Variants in NRG3 observed in about 807,000 individuals in gnomAD.
The protein encoded by NRG3 is neuregulin 3.
In NRG3, 31 loss-of-function variants were observed where a neutral mutation model predicts 66.9. That is an observed-to-expected ratio of 0.46 (90% CI 0.35 to 0.63). The LOEUF (loss-of-function observed/expected upper bound fraction) is 0.63, where lower values mean the gene tolerates loss of function less well. Ranked by LOEUF, NRG3 falls within the 20% of genes least tolerant of loss-of-function variation. NRG3 has a pLI of 0.00. For missense variants in NRG3, 910 were observed against 878.9 expected (o/e 1.04, Z -0.45); for synonymous variants, 393 against 359.4 (o/e 1.09, Z -1.06).
At chr10:82,816,084 G>T (rs763674368) in intron 3 of NRG3, among the ~76,000 whole-genome samples, 1 of 152,222 alleles carries the variant, frequency 6.6e-6, no homozygotes, top group Non-Finnish European at 1.5e-5. Context: ...CCCCAAAAAG[G>T]GTGTCACAGC....
intron 1 of NRG3, among the ~76,000 whole-genome samples, chr10:82,053,118 G>A (rs2133153678): frequency 6.7e-6 from 1 of 149,378 alleles, no homozygotes; most frequent in South Asian, 2.1e-4. Flanking sequence ...ATGTATTCAT[G>A]TATTTCATTT....
intron 1 of NRG3, among the ~76,000 whole-genome samples, chr10:81,929,576 A>G (rs1377683413): frequency 1.3e-5 from 2 of 152,120 alleles, no homozygotes; most frequent in African/African-American, 4.8e-5. Context: ...CTCCTTCATC[A>G]GGCTTCTCTT....
intron 1 of NRG3, among the ~76,000 whole-genome samples, chr10:82,049,165 A>G (rs184095845): frequency 6.6e-6 from 1 of 152,208 alleles, no homozygotes; most frequent in East Asian, 1.9e-4. Flanking sequence ...TATGCTTTTT[A>G]TGATATACTT....
intron 3 of NRG3, 132 bp from the exon 4 acceptor site, chr10:82,865,279 T>C (rs1317062969): frequency 2.2e-5 from 17 of 762,150 alleles, no homozygotes; most frequent in Non-Finnish European, 3.3e-5. Context: ...TAAGCAAACA[T>C]AGGGGTTAAA....
intron 2 of NRG3, among the ~76,000 whole-genome samples, chr10:82,472,428 G>T (rs1475610792): frequency 6.6e-6 from 1 of 152,226 alleles, no homozygotes. Context: ...TGAAAAGAGA[G>T]ATTGAGATTA....
chr10:82,244,914 T>G (rs2134030965), intron 1 of NRG3, among the ~76,000 whole-genome samples: 1 of 152,082 alleles, frequency 6.6e-6, no homozygotes, highest in South Asian at 2.1e-4. Flanking sequence ...TTTGTATTTT[T>G]GTAGAGACGG....
intron 2 of NRG3, among the ~76,000 whole-genome samples, chr10:82,568,586 A>C (rs1170371064): frequency 1.3e-5 from 2 of 151,774 alleles, no homozygotes; most frequent in Non-Finnish European, 2.9e-5. Flanking sequence ...CCATCATTAA[A>C]AGAGTAGAGA....
At chr10:82,532,876 G>A (rs1011020458) in intron 2 of NRG3, among the ~76,000 whole-genome samples, 1 of 150,766 alleles carries the variant, frequency 6.6e-6, no homozygotes, top group African/African-American at 2.4e-5. Context: ...GCACCACTTT[G>A]CATTTCCATG....
intron 1 of NRG3, among the ~76,000 whole-genome samples, chr10:82,080,815 G>A (rs1000556379): frequency 2.0e-5 from 3 of 152,076 alleles, no homozygotes; most frequent in African/African-American, 7.2e-5. Flanking sequence ...TCACAATACT[G>A]TGCAAACATC....
At chr10:82,590,416 A>G (rs1449385298) in intron 2 of NRG3, among the ~76,000 whole-genome samples, 1 of 152,136 alleles carries the variant, frequency 6.6e-6, no homozygotes, top group African/African-American at 2.4e-5. Flanking sequence ...CCCTAGGTGG[A>G]GCAGAGGTAC....
chr10:82,650,252 G>C (rs1266554909), intron 2 of NRG3, among the ~76,000 whole-genome samples: 2 of 152,080 alleles, frequency 1.3e-5, no homozygotes, highest in Non-Finnish European at 2.9e-5. Context: ...TTAATATTTT[G>C]TAATTGTTAC....
At chr10:82,791,353 A>G (rs1460526350) in intron 3 of NRG3, among the ~76,000 whole-genome samples, 1 of 150,336 alleles carries the variant, frequency 6.7e-6, no homozygotes, top group Non-Finnish European at 1.5e-5. Context: ...ATAATTCTGT[A>G]AAGTCTGTAT....
chr10:82,460,407 GCA>G (rs1259220486), intron 2 of NRG3, among the ~76,000 whole-genome samples: 3 of 152,300 alleles, frequency 2.0e-5, no homozygotes, highest in East Asian at 3.9e-4. Flanking sequence ...AAAGCATGTA[GCA>G]CAGTGTCCCA....
chr10:82,624,949 A>G (rs893026367), intron 2 of NRG3, among the ~76,000 whole-genome samples: 1 of 148,506 alleles, frequency 6.7e-6, no homozygotes, highest in Non-Finnish European at 1.5e-5. Flanking sequence ...ATGTGCTTTT[A>G]GTGATGCATT....
intron 4 of NRG3, among the ~76,000 whole-genome samples, chr10:82,895,150 G>T (rs1843528301): frequency 6.6e-6 from 1 of 152,058 alleles, no homozygotes; most frequent in African/African-American, 2.4e-5. Flanking sequence ...TCATTGATGG[G>T]ACTAGTTTTA....
chr10:82,944,686 T>C (rs1848851094), intron 4 of NRG3, among the ~76,000 whole-genome samples: 1 of 152,200 alleles, frequency 6.6e-6, no homozygotes, highest in South Asian at 2.1e-4. Context: ...ATGTAGACAA[T>C]GTGATATTTT....
chr10:82,345,723 A>G (rs1265033922), intron 1 of NRG3, among the ~76,000 whole-genome samples: 304 of 151,736 alleles, frequency 2.0e-3, no homozygotes, highest in African/African-American at 6.9e-3. Flanking sequence ...ATTTCTTTGT[A>G]TCCTCTTTTA....
chr10:82,412,248 G>T (rs1222118848), intron 2 of NRG3, among the ~76,000 whole-genome samples: 1 of 152,110 alleles, frequency 6.6e-6, no homozygotes, highest in Non-Finnish European at 1.5e-5. Flanking sequence ...GTAAATGTAG[G>T]TATACATTGG....
intron 2 of NRG3, among the ~76,000 whole-genome samples, chr10:82,508,824 C>G (rs1374306286): frequency 6.6e-6 from 1 of 152,150 alleles, no homozygotes; most frequent in Non-Finnish European, 1.5e-5. Flanking sequence ...ATTCCTGGGT[C>G]CTTCTCTCAT....
Sources: gnomAD v4.1 joint callset for allele counts (sites outside exome capture counted in the v4.1 genomes callset) on GRCh38, gnomAD v4.1.1 for gene constraint, MANE v1.5 for transcripts, NCBI Gene and HGNC (gene_info 2026-07-23, HGNC 2026-07-21) for gene names.